CWC27: variants seen among roughly 807,000 people sequenced by gnomAD.
CWC27 encodes CWC27 spliceosome associated cyclophilin, also known as spliceosome-associated protein CWC27 homolog.
In CWC27, 47 loss-of-function variants were observed where a neutral mutation model predicts 63.6. The observed-to-expected ratio is 0.74, with a 90% CI of 0.58 to 0.94. The LOEUF is 0.94. Among genes scored for constraint, CWC27 ranks in the 40% least tolerant of loss-of-function variants. The pLI is 0.00. For synonymous variants in CWC27, 175 were observed against 179.8 expected, an observed-to-expected ratio of 0.97 and a Z score of 0.22; for missense variants, 495 against 554.3, an observed-to-expected ratio of 0.89 and a Z score of 1.07.
intron 10 of CWC27, among the ~76,000 whole-genome samples, chr5:64,869,995 A>G (rs556682051): frequency 4.9e-4 from 74 of 152,164 alleles, no homozygotes; most frequent in African/African-American, 1.8e-3. Flanking sequence ...AAAACTAAAA[A>G]ATGAGAGTGA....
At chr5:64,824,533 G>C (rs2112252166) in intron 10 of CWC27, among the ~76,000 whole-genome samples, 1 of 152,220 alleles carries the variant, frequency 6.6e-6, no homozygotes, top group East Asian at 1.9e-4. Context: ...CCTGAAAAGG[G>C]AAGCTTAGTT....
rs191521800 is a variant in CWC27, at chr5:64,868,537, T to G, written c.939-16906T>G. Among the ~76,000 whole-genome samples the G allele has an allele frequency of 1.7e-3, 259 of 152,148 alleles. 1 individual carries two copies. Among genetic ancestry groups the G allele is most frequent in the African/African-American group, 6.1e-3 (255 of 41,544 alleles). On this transcript the variant is annotated intron_variant, in intron 10 of 13. Transcript: ENST00000381070. Reference sequence around the variant, plus strand: ...TGTTGTCCCCAAAGCAGCATTCTGTTTCTCAAGGTGTAGGCCCCACCCCAA... The same window carrying G: ...TGTTGTCCCCAAAGCAGCATTCTGTGTCTCAAGGTGTAGGCCCCACCCCAA...
intron 10 of CWC27, among the ~76,000 whole-genome samples, chr5:64,828,385 T>A (rs1290837646): frequency 2.0e-5 from 3 of 152,104 alleles, no homozygotes. Context: ...CCGTTTGGAC[T>A]CCTATAACAA....
intron 10 of CWC27, chr5:64,808,348 A>C (rs1159329082): frequency 1.0e-6 from 1 of 987,158 alleles, no homozygotes; most frequent in Non-Finnish European, 1.2e-6. Context: ...ATATTCCCTG[A>C]CTCCTTAGTG....
Position 64,803,670 on chromosome 5 carries a change from A to G in CWC27, c.781-559A>G, listed in dbSNP as rs142027945. On this transcript the variant is annotated intron_variant, in intron 9 of 13. Transcript: ENST00000381070. ...TTGTTTCAGGCTGGAGAGAACAACA[A>G]CTCCAAAGTTGGCTAGTGTTGGTGG... 5.1e-3 allele frequency among the ~76,000 whole-genome samples: 774 copies of G among 152,208 alleles called. 6 individuals carry two copies. The highest frequency in any genetic ancestry group is 0.017 in the African/African-American group (725 of 41,538).
chr5:64,798,340 A>G (rs148383869), intron 7 of CWC27, among the ~76,000 whole-genome samples: 1 of 151,718 alleles, frequency 6.6e-6, no homozygotes, highest in African/African-American at 2.4e-5. Flanking sequence ...ACATTTTGAA[A>G]CTCATTTGGT....
intron 13 of CWC27, among the ~76,000 whole-genome samples, chr5:65,008,548 A>G (rs1054753562): frequency 6.6e-6 from 1 of 152,250 alleles, no homozygotes; most frequent in Admixed American, 6.5e-5. Flanking sequence ...TTAAAGATTA[A>G]CAAATGAAAA....
chr5:64,849,440 G>A (rs966466842), intron 10 of CWC27, among the ~76,000 whole-genome samples: 1 of 152,202 alleles, frequency 6.6e-6, no homozygotes, highest in Non-Finnish European at 1.5e-5. Flanking sequence ...ATGTTGAATT[G>A]TAATCCTCAG....
chr5:64,973,635 G>A (rs1349873287), intron 12 of CWC27, among the ~76,000 whole-genome samples: 2 of 152,102 alleles, frequency 1.3e-5, no homozygotes, highest in Non-Finnish European at 2.9e-5. Flanking sequence ...TTTCTGCCCA[G>A]TGTCTTCTCT....
chr5:64,899,663 T>C (rs1747457569), intron 11 of CWC27, among the ~76,000 whole-genome samples: 1 of 152,228 alleles, frequency 6.6e-6, no homozygotes, highest in African/African-American at 2.4e-5. Context: ...ACAAAACTTT[T>C]GAACAGAAAC....
chr5:64,854,395 G>A (rs2112301354), intron 10 of CWC27, among the ~76,000 whole-genome samples: 1 of 152,290 alleles, frequency 6.6e-6, no homozygotes, highest in East Asian at 1.9e-4. Context: ...GCATCGTTTT[G>A]CATTCCCACC....
intron 13 of CWC27, among the ~76,000 whole-genome samples, chr5:64,995,043 C>CT (rs1749608043): frequency 6.9e-6 from 1 of 144,636 alleles, no homozygotes; most frequent in African/African-American, 2.6e-5. Context: ...GAGTCTCACT[C>CT]TGTCACCCAG....
At chr5:64,818,329 T>C (rs1745101830) in intron 10 of CWC27, among the ~76,000 whole-genome samples, 1 of 152,198 alleles carries the variant, frequency 6.6e-6, no homozygotes, top group Admixed American at 6.6e-5. Context: ...GAAAAAAGAA[T>C]GTTTTCTTAG....
rs762621587 is a variant in CWC27, at chr5:65,018,163, T to C, written c.1261T>C (p.Ser421Pro). The C allele has an allele frequency of 5.7e-6, 9 of 1,589,794 alleles. No individual in the cohort carries two copies. The South Asian group carries it at 9.4e-5, about 17-fold the overall frequency. Residue 421 changes from serine to proline, a missense_variant, in exon 14 of 14, where the codon TCA (serine) becomes CCA (proline). This residue lies in a region of CWC27 where 463 missense variants were observed against 498.1 expected (regional missense o/e 0.93). Coordinates refer to ENST00000381070, the MANE Select transcript of CWC27 (RefSeq NM_005869.4). ...ACCATCTCTCTCCCTATTTAGGATG[T>C]CACATGTACTTCAGTTTGAGGATAA... is the stretch of plus-strand genomic sequence containing the variant. The part of the protein sequence containing the change: ...TEVEDDEGWM[S>P]HVLQFEDKSR...
intron 11 of CWC27, among the ~76,000 whole-genome samples, chr5:64,969,810 C>G (rs1749084937): frequency 6.6e-6 from 1 of 152,142 alleles, no homozygotes; most frequent in South Asian, 2.1e-4. Context: ...AACCAGACTT[C>G]AAGAACGGAA....
At chr5:64,848,948 C>T (rs1024686656) in intron 10 of CWC27, among the ~76,000 whole-genome samples, 5 of 152,162 alleles carry the variant, frequency 3.3e-5, no homozygotes, top group African/African-American at 7.2e-5. Flanking sequence ...TGCCCATTCT[C>T]ACCACTTCTA....
chr5:64,827,738 GAGGACAC>G (rs199687032), intron 10 of CWC27, among the ~76,000 whole-genome samples: 3,344 of 152,110 alleles, frequency 0.022, 100 homozygotes, highest in Admixed American at 0.086. Context: ...CATACTTATT[GAGGACAC>G]AGTAGTCGAC....
At chr5:65,001,668 C>T (rs987460104) in intron 13 of CWC27, among the ~76,000 whole-genome samples, 4 of 152,054 alleles carry the variant, frequency 2.6e-5, no homozygotes, top group African/African-American at 9.6e-5. Flanking sequence ...GGGATGAATC[C>T]CACTTGATCA....
intron 10 of CWC27, among the ~76,000 whole-genome samples, chr5:64,806,836 T>A (rs1168183539): frequency 6.6e-6 from 1 of 152,088 alleles, no homozygotes; most frequent in Non-Finnish European, 1.5e-5. Flanking sequence ...TCTAAAAAAA[T>A]AAAAATAAAT....
Sources: allele counts gnomAD v4.1 joint callset (sites outside exome capture counted in the v4.1 genomes callset), GRCh38; gene constraint gnomAD v4.1.1; regional missense constraint gnomAD v4.1.1; transcripts MANE v1.5; gene names NCBI Gene and HGNC (gene_info 2026-07-23, HGNC 2026-07-21).